SOX5: variants seen among roughly 807,000 people sequenced by gnomAD.
SOX5 encodes SRY-box transcription factor 5, also known as transcription factor SOX-5.
Under a neutral mutation model 92.0 loss-of-function variants are expected in SOX5, and 9 were observed. The observed-to-expected ratio is 0.10, with a 90% CI of 0.06 to 0.17. The LOEUF (loss-of-function observed/expected upper bound fraction) is 0.17. Ranked by LOEUF, SOX5 falls within the 10% of genes least tolerant of loss-of-function variation. SOX5 has a pLI of 1.00. For synonymous variants in SOX5, 344 were observed against 336.3 expected (o/e 1.02, Z -0.25); for missense variants, 642 against 944.5 (o/e 0.68, Z 4.20).
chr12:24,143,777 C>T (rs1950804773), intron 4 of SOX5, among the ~76,000 whole-genome samples: 1 of 145,454 alleles, frequency 6.9e-6, no homozygotes, highest in African/African-American at 2.6e-5. Context: ...TGTGTGCAGA[C>T]AGAACGACAG....
intron 4 of SOX5, among the ~76,000 whole-genome samples, chr12:24,203,163 T>C (rs1036012820): frequency 2.6e-5 from 4 of 152,208 alleles, no homozygotes; most frequent in African/African-American, 9.7e-5. Context: ...ATGGACTATA[T>C]TGAGAATATC....
At chr12:23,601,639 T>C (rs2074508961) in intron 9 of SOX5, among the ~76,000 whole-genome samples, 1 of 152,204 alleles carries the variant, frequency 6.6e-6, no homozygotes, top group African/African-American at 2.4e-5. Flanking sequence ...CTATTATACA[T>C]GAATAAAATA....
At chr12:24,101,470 CTTAA>C (rs1411323491) in intron 4 of SOX5, among the ~76,000 whole-genome samples, 1 of 152,102 alleles carries the variant, frequency 6.6e-6, no homozygotes, top group Non-Finnish European at 1.5e-5. Context: ...CCTTTTTTAA[CTTAA>C]TTATTGTCTA....
intron 1 of SOX5, among the ~76,000 whole-genome samples, chr12:24,501,392 A>AT (rs1185327592): frequency 2.0e-5 from 3 of 151,980 alleles, no homozygotes; most frequent in African/African-American, 7.2e-5. Context: ...AAAAAAAAAA[A>AT]TATGTACAAG....
chr12:24,194,878 A>G (rs1356665445), intron 4 of SOX5, among the ~76,000 whole-genome samples: 1 of 152,214 alleles, frequency 6.6e-6, no homozygotes, highest in Non-Finnish European at 1.5e-5. Context: ...TGCTCAACCC[A>G]GAAATTGGAT....
At chr12:23,690,072 T>G (rs571057238) in intron 6 of SOX5, among the ~76,000 whole-genome samples, 21 of 152,300 alleles carry the variant, frequency 1.4e-4, no homozygotes, top group Non-Finnish European at 2.9e-4. Flanking sequence ...ACTTCATCAA[T>G]AGAGTAATTT....
At chr12:23,975,605 G>C (rs1432289580) in intron 4 of SOX5, among the ~76,000 whole-genome samples, 4 of 152,110 alleles carry the variant, frequency 2.6e-5, no homozygotes, top group Non-Finnish European at 5.9e-5. Context: ...ATGGGATCTA[G>C]AGCCAAACTA....
chr12:24,492,210 A>C (rs1947162576), intron 1 of SOX5, among the ~76,000 whole-genome samples: 1 of 152,172 alleles, frequency 6.6e-6, no homozygotes, highest in Non-Finnish European at 1.5e-5. Flanking sequence ...CCAAAGTTCA[A>C]GGGTAGTACC....
rs147158986 is a variant in SOX5, at chr12:23,815,765, A to C, written c.481+30218T>G. On this transcript the variant is annotated intron_variant, in intron 3 of 14. Transcript: ENST00000451604. Reference sequence around the variant, plus strand: ...CGGAGATAGCTTATTCAACCATTTAATTAACTTGTTCAATTAGGAGTCTCT... The same window carrying C: ...CGGAGATAGCTTATTCAACCATTTACTTAACTTGTTCAATTAGGAGTCTCT... Among the ~76,000 whole-genome samples, 20 of 152,294 alleles carry C rather than the reference A, an allele frequency of 1.3e-4. No homozygotes were observed. In the East Asian group the frequency reaches 3.9e-3, roughly 29 times the overall value.
chr12:23,656,132 T>C (rs1456561545), intron 7 of SOX5, among the ~76,000 whole-genome samples: 2 of 151,888 alleles, frequency 1.3e-5, no homozygotes, highest in South Asian at 2.1e-4. Flanking sequence ...AGGGCACAGA[T>C]TAATATGAAA....
chr12:23,681,757 C>A (rs1283456611), intron 6 of SOX5, among the ~76,000 whole-genome samples: 5 of 151,556 alleles, frequency 3.3e-5, no homozygotes, highest in Non-Finnish European at 5.9e-5. Context: ...CAGCACTTTT[C>A]AAAAGAATCC....
rs763973565 is a variant in SOX5 at position 24,287,592 on chromosome 12, C to CTTTTTTTT, written c.-173-10288_-173-10281dup. ...TCTTAAAAACAGTGATTCTCAAATC[C>CTTTTTTTT]TTTTTTTTTTTTTTTTTTTTTTTTT... On this transcript the variant is annotated intron_variant, in intron 2 of 4. Transcript: ENST00000446891. Among the ~76,000 whole-genome samples the CTTTTTTTT allele has an allele frequency of 1.5e-4, 12 of 79,688 alleles. 1 individual carries two copies. Among genetic ancestry groups the CTTTTTTTT allele is most frequent in the African/African-American group, 2.7e-4 (6 of 22,134 alleles). 52.3% of individuals were successfully genotyped at this position (79,688 alleles called of 152,430 possible). A position where few individuals can be genotyped will look rare whatever the true frequency, so the allele number is the denominator to read the frequency against.
chr12:23,651,359 G>C (rs2081539634), intron 7 of SOX5, among the ~76,000 whole-genome samples: 1 of 151,882 alleles, frequency 6.6e-6, no homozygotes, highest in African/African-American at 2.4e-5. Context: ...ATCATTACTA[G>C]AGTTCTTACT....
intron 6 of SOX5, among the ~76,000 whole-genome samples, chr12:23,725,478 C>T (rs1028765776): frequency 6.6e-6 from 1 of 152,134 alleles, no homozygotes; most frequent in Non-Finnish European, 1.5e-5. Context: ...GATCCACCCC[C>T]ATGATTCAAT....
In SOX5 at chr12:23,908,358, T is replaced by C. The variant is rs11047155; in HGVS notation, c.39-12334A>G. On this transcript the variant is annotated intron_variant, in intron 1 of 14. Transcript: ENST00000451604. ...AAAACTGACTGTCTAAGTAGTCCAA[T>C]GAAGAGAAATATTATGACCCCCTAC... 1.6e-3 allele frequency among the ~76,000 whole-genome samples: 246 copies of C among 151,938 alleles called. 2 individuals are homozygous for C. Among genetic ancestry groups the C allele is most frequent in the Non-Finnish European group, 2.9e-3 (197 of 67,938 alleles).
chr12:24,040,151 G>A lies in SOX5; in HGVS notation c.-1-144127C>T, dbSNP rs994382767. Among the ~76,000 whole-genome samples the A allele has an allele frequency of 9.2e-5, 14 of 152,044 alleles. No homozygotes were observed. The East Asian group carries it at 2.7e-3, about 29-fold the overall frequency. On this transcript the variant is annotated intron_variant, in intron 4 of 4. Transcript: ENST00000446891. ...AAGATAATGTTCCTAGGAACATATAGATTTAAAAAACCAGCAAATAGGAAA... is the reference window on the plus strand; with the variant it reads ...AAGATAATGTTCCTAGGAACATATAAATTTAAAAAACCAGCAAATAGGAAA...
intron 2 of SOX5, among the ~76,000 whole-genome samples, chr12:24,299,861 C>T (rs368456198): frequency 2.0e-5 from 3 of 152,046 alleles, no homozygotes; most frequent in Admixed American, 6.6e-5. Flanking sequence ...TGTGTCTACC[C>T]GTTATTTGAT....
At chr12:23,929,302 AAG>A (rs1940843106) in intron 1 of SOX5, among the ~76,000 whole-genome samples, 1 of 152,044 alleles carries the variant, frequency 6.6e-6, no homozygotes, top group African/African-American at 2.4e-5. Context: ...ATATAAATGA[AAG>A]AGAGTTTTTA....
chr12:23,876,495 T>G (rs1164480405), intron 2 of SOX5, among the ~76,000 whole-genome samples: 4 of 152,204 alleles, frequency 2.6e-5, no homozygotes, highest in African/African-American at 9.7e-5. Context: ...CTGCAGAGGA[T>G]GTGGAGAAAT....
Sources: allele counts gnomAD v4.1 joint callset (sites outside exome capture counted in the v4.1 genomes callset), GRCh38; gene constraint gnomAD v4.1.1; transcripts MANE v1.5; gene names NCBI Gene and HGNC (gene_info 2026-07-23, HGNC 2026-07-21).